The following PCNX2 variants were observed in gnomAD, a reference collection of about 807,000 sequenced individuals.
PCNX2 encodes the protein pecanex-like protein 2.
In PCNX2, 168 loss-of-function variants were observed where a neutral mutation model predicts 223.8. That is an observed-to-expected ratio of 0.75 (90% CI 0.66 to 0.85). The LOEUF is 0.85. PCNX2 is among the 40% of genes least tolerant of loss of function. The pLI, the probability that PCNX2 is intolerant of heterozygous loss-of-function variation, is 0.00. For missense variants in PCNX2, 2,507 were observed against 2,675.5 expected, an observed-to-expected ratio of 0.94 and a Z score of 1.39; for synonymous variants, 1,006 against 1,052.6, an observed-to-expected ratio of 0.96 and a Z score of 0.86.
intron 32 of PCNX2, among the ~76,000 whole-genome samples, chr1:232,989,912 G>T (rs1669634647): frequency 6.6e-6 from 1 of 152,256 alleles, no homozygotes; most frequent in Non-Finnish European, 1.5e-5. Flanking sequence ...GCAAGCTAAA[G>T]GTTAGGAAAA....
At chr1:233,191,756 A>G (rs963563178) in intron 15 of PCNX2, among the ~76,000 whole-genome samples, 2 of 152,232 alleles carry the variant, frequency 1.3e-5, no homozygotes, top group Non-Finnish European at 2.9e-5. Context: ...GAAGGGCTGG[A>G]AGTGAGTATA....
intron 9 of PCNX2, among the ~76,000 whole-genome samples, chr1:233,233,355 C>G (rs984669929): frequency 1.3e-5 from 2 of 152,088 alleles, no homozygotes; most frequent in Non-Finnish European, 2.9e-5. Context: ...GCCCCAAGCT[C>G]TGCCCTTCCC....
intron 25 of PCNX2, chr1:233,031,640 G>T: frequency 1.8e-6 from 1 of 565,772 alleles, no homozygotes; most frequent in Non-Finnish European, 2.2e-6. Flanking sequence ...AACAGTCTAT[G>T]AAATAGGAGT....
intron 25 of PCNX2, among the ~76,000 whole-genome samples, chr1:233,047,780 A>G (rs1671869671): frequency 6.6e-6 from 1 of 152,156 alleles, no homozygotes; most frequent in South Asian, 2.1e-4. Context: ...TCAACACCCC[A>G]TTGGCAGCAT....
chr1:233,183,689 T>G (rs572876370), intron 15 of PCNX2, among the ~76,000 whole-genome samples: 1 of 152,138 alleles, frequency 6.6e-6, no homozygotes, highest in East Asian at 1.9e-4. Flanking sequence ...CCCAGAAGCA[T>G]AACCATGAAC....
chr1:233,247,124 C>CA (rs1449015755), intron 8 of PCNX2, among the ~76,000 whole-genome samples: 2 of 152,242 alleles, frequency 1.3e-5, no homozygotes, highest in African/African-American at 4.8e-5. Flanking sequence ...GTCTGACGGA[C>CA]ATAGGACTGA....
chr1:233,185,138 A>G (rs1558320441), intron 15 of PCNX2, among the ~76,000 whole-genome samples: 1 of 149,626 alleles, frequency 6.7e-6, no homozygotes, highest in Non-Finnish European at 1.5e-5. Flanking sequence ...CACATCCCTC[A>G]GATTGGAGGT....
At chr1:232,997,342 C>T (rs1311005987) in intron 32 of PCNX2, among the ~76,000 whole-genome samples, 1 of 152,240 alleles carries the variant, frequency 6.6e-6, no homozygotes, top group African/African-American at 2.4e-5. Flanking sequence ...ATCCTACTGT[C>T]TCTGTTCAAT....
At chr1:233,241,094 A>T in intron 8 of PCNX2, 1 of 824,322 alleles carries the variant, frequency 1.2e-6, no homozygotes. Flanking sequence ...AACATGTAGG[A>T]TGTTTAACTA....
intron 32 of PCNX2, among the ~76,000 whole-genome samples, chr1:232,988,494 C>T (rs945832059): frequency 5.3e-5 from 8 of 152,044 alleles, no homozygotes; most frequent in African/African-American, 1.7e-4. Context: ...ATTTGTGCTA[C>T]TCAAGATCAT....
intron 15 of PCNX2, among the ~76,000 whole-genome samples, chr1:233,182,512 C>T (rs569340766): frequency 3.9e-5 from 6 of 152,190 alleles, no homozygotes; most frequent in African/African-American, 1.4e-4. Flanking sequence ...AAAGGCTAAT[C>T]GGATCATGTC....
chr1:233,173,430 T>C (rs983202667), intron 17 of PCNX2, among the ~76,000 whole-genome samples: 4 of 152,258 alleles, frequency 2.6e-5, no homozygotes, highest in African/African-American at 9.6e-5. Context: ...CCTCCGAAAG[T>C]GCTGGCATTA....
intron 17 of PCNX2, among the ~76,000 whole-genome samples, chr1:233,176,859 CA>C (rs1679505761): frequency 6.6e-6 from 1 of 152,016 alleles, no homozygotes; most frequent in South Asian, 2.1e-4. Flanking sequence ...TAAAAAAATA[CA>C]AAAAATTAGC....
chr1:233,090,607 G>T (rs923096758), intron 22 of PCNX2, among the ~76,000 whole-genome samples: 1 of 152,160 alleles, frequency 6.6e-6, no homozygotes, highest in Non-Finnish European at 1.5e-5. Context: ...TGTTTGGGAA[G>T]GTAGCATCTC....
At chr1:233,327,076 C>A in the PCNX2 span, among the ~76,000 whole-genome samples, 1 of 152,124 alleles carries the variant, frequency 6.6e-6, no homozygotes, top group African/African-American at 2.4e-5. Flanking sequence ...CCAGGTCTGG[C>A]ACCGCGCTAC....
rs189966508 is a variant in PCNX2 at position 233,058,023 on chromosome 1, C to A, written c.4077-733G>T. 1.1e-4 allele frequency: 104 copies of A among 985,364 alleles called. 2 individuals carry two copies. The East Asian group carries it at 0.01, about 96-fold the overall frequency. The allele number at this position is 985,364 out of a possible 1,614,324, so 61.0% of individuals were successfully genotyped here. A position where few individuals can be genotyped will look rare whatever the true frequency, so the allele number is the denominator to read the frequency against. ...CAAGAGTGGGGTATACTCTTATAGA[C>A]CTTTCTTAGGTTGAACCATGAGAAT... On this transcript the variant is annotated intron_variant, in intron 23 of 33. Coordinates refer to ENST00000258229, the MANE Select transcript of PCNX2 (RefSeq NM_014801.4).
Position 233,177,672 on chromosome 1 carries a change from G to T in PCNX2, c.3273+130C>A, listed in dbSNP as rs1011471353. On this transcript the variant is annotated intron_variant, in intron 17 of 33. Coordinates refer to ENST00000258229, the MANE Select transcript of PCNX2 (RefSeq NM_014801.4). ...GCAGCTCAACAGCCCAGTGTGCCAG[G>T]TACCAAGCGAGGTGTATCTTTCTGT... 8.3e-6 allele frequency: 6 copies of T among 718,904 alleles called. 1 individual carries two copies. The Admixed American group carries it at 8.8e-5, about 11-fold the overall frequency. The allele number at this position is 718,904 out of a possible 1,614,324, so 44.5% of individuals were successfully genotyped here.
At chr1:233,104,756 T>C (rs758861955) in intron 21 of PCNX2, among the ~76,000 whole-genome samples, 5 of 152,266 alleles carry the variant, frequency 3.3e-5, no homozygotes, top group Non-Finnish European at 5.9e-5. Context: ...ATTGATGCCT[T>C]ACTAAAGTAC....
At chr1:233,110,209 A>G (rs779744925) in intron 21 of PCNX2, among the ~76,000 whole-genome samples, 1 of 152,248 alleles carries the variant, frequency 6.6e-6, no homozygotes, top group Non-Finnish European at 1.5e-5. Flanking sequence ...GCTGGAAACA[A>G]AAGACATATA....
Sources: gnomAD v4.1 joint callset for allele counts (sites outside exome capture counted in the v4.1 genomes callset) on GRCh38, gnomAD v4.1.1 for gene constraint, MANE v1.5 for transcripts, NCBI Gene and HGNC (gene_info 2026-07-23, HGNC 2026-07-21) for gene names.